GRIP1: variants seen among roughly 807,000 people sequenced by gnomAD.
GRIP1 encodes glutamate receptor interacting protein 1, also known as glutamate receptor-interacting protein 1.
Under a neutral mutation model 129.9 loss-of-function variants are expected in GRIP1, and 45 were observed. The observed-to-expected ratio is 0.35, with a 90% CI of 0.27 to 0.44. The LOEUF (loss-of-function observed/expected upper bound fraction) is 0.44. Ranked by LOEUF, GRIP1 falls within the 20% of genes least tolerant of loss-of-function variation. GRIP1 has a pLI of 1.00. For missense variants in GRIP1, 1,196 were observed against 1,396.8 expected (o/e 0.86, Z 2.29); for synonymous variants, 530 against 520.8 (o/e 1.02, Z -0.24).
intron 1 of GRIP1, among the ~76,000 whole-genome samples, chr12:67,055,348 G>T (rs1382478076): frequency 1.3e-5 from 2 of 149,570 alleles, no homozygotes; most frequent in Non-Finnish European, 2.9e-5. Context: ...TTAACCTTGG[G>T]TAAGAGTACA....
intron 1 of GRIP1, among the ~76,000 whole-genome samples, chr12:66,601,328 C>T (rs2064266407): frequency 6.6e-6 from 1 of 152,162 alleles, no homozygotes; most frequent in African/African-American, 2.4e-5. Context: ...TATGCTGGAG[C>T]TGGGAGAATC....
At chr12:67,038,166 G>A (rs999791849) in intron 1 of GRIP1, among the ~76,000 whole-genome samples, 1 of 152,142 alleles carries the variant, frequency 6.6e-6, no homozygotes, top group African/African-American at 2.4e-5. Context: ...AAAAGCGGGG[G>A]ACTTCCAAGG....
At chr12:66,539,261 T>C in intron 3 of GRIP1, 38 bp from the exon 4 acceptor site, 1 of 1,613,162 alleles carries the variant, frequency 6.2e-7, no homozygotes, top group Non-Finnish European at 8.5e-7. Flanking sequence ...AGACCCACCC[T>C]CTCCATAGGC....
At chr12:66,628,499 T>A (rs988723463) in intron 1 of GRIP1, among the ~76,000 whole-genome samples, 1 of 152,202 alleles carries the variant, frequency 6.6e-6, no homozygotes, top group South Asian at 2.1e-4. Flanking sequence ...CCTCCAGCCC[T>A]TTTAGTCCTG....
chr12:66,827,387 T>TGTGAGAGAGAGAGA (rs755458052), intron 1 of GRIP1, among the ~76,000 whole-genome samples: 3 of 108,224 alleles, frequency 2.8e-5, no homozygotes, highest in Non-Finnish European at 5.6e-5. Context: ...TGTGTGTGTG[T>TGTGAGAGAGAGAGA]GAGAGAGAGA....
rs1227680573 is a variant in GRIP1, at chr12:66,377,006, A to C, written c.2778+11T>G. 4 of 1,598,170 alleles carry C rather than the reference A, an allele frequency of 2.5e-6. No homozygotes were observed. The highest frequency in any genetic ancestry group is 3.4e-6 in the Non-Finnish European group (4 of 1,165,398). On this transcript the variant is annotated intron_variant, in intron 22 of 24. Transcript: ENST00000359742. ...TTCACAAGCAAAAATATAAACATAA[A>C]GGGTAGCTACCAAGAGAGTCATGTT... is the stretch of plus-strand genomic sequence containing the variant.
chr12:66,628,127 A>G (rs1383815765), intron 1 of GRIP1, among the ~76,000 whole-genome samples: 1 of 152,164 alleles, frequency 6.6e-6, no homozygotes, highest in Non-Finnish European at 1.5e-5. Context: ...GCCACCTGGC[A>G]CCTGCCCATC....
intron 2 of GRIP1, among the ~76,000 whole-genome samples, chr12:66,543,442 T>G (rs760408364): frequency 6.6e-6 from 1 of 152,222 alleles, no homozygotes; most frequent in Non-Finnish European, 1.5e-5. Context: ...AGAATGAAAA[T>G]TCTTGTCAAG....
At chr12:66,456,947 G>A (rs369345053) in intron 9 of GRIP1, among the ~76,000 whole-genome samples, 1 of 152,082 alleles carries the variant, frequency 6.6e-6, no homozygotes. Context: ...CGACTAATAA[G>A]GAGAAGATAA....
chr12:66,962,464 T>C (rs939101783), intron 1 of GRIP1, among the ~76,000 whole-genome samples: 1 of 152,106 alleles, frequency 6.6e-6, no homozygotes, highest in African/African-American at 2.4e-5. Context: ...CCTGTCTTAT[T>C]GCTAAACAGT....
chr12:66,717,381 T>C lies in GRIP1; in HGVS notation c.-420+86672A>G, dbSNP rs1225258799. ...ATAATGGGCTTGAATTTTTGCTCACTGTAAAAAAAAAAAAAGTCACCACAT... is the reference window on the plus strand; with the variant it reads ...ATAATGGGCTTGAATTTTTGCTCACCGTAAAAAAAAAAAAAGTCACCACAT... On this transcript the variant is annotated intron_variant, in intron 1 of 4. Transcript: ENST00000538373. Among the ~76,000 whole-genome samples the C allele has an allele frequency of 2.7e-5, 3 of 110,180 alleles. No homozygotes were observed. In the Admixed American group the frequency reaches 3.1e-4, roughly 11 times the overall value. The allele number at this position is 110,180 out of a possible 152,430, so 72.3% of individuals were successfully genotyped here.
intron 1 of GRIP1, chr12:66,803,942 C>CAG: frequency 2.8e-6 from 1 of 359,324 alleles, no homozygotes; most frequent in Non-Finnish European, 5.6e-6. Context: ...AGACTGCTCA[C>CAG]AGAGAACACC....
chr12:67,012,612 T>C (rs567576488), intron 1 of GRIP1, among the ~76,000 whole-genome samples: 2 of 152,292 alleles, frequency 1.3e-5, no homozygotes, highest in Non-Finnish European at 2.9e-5. Flanking sequence ...CCTTCAAGTT[T>C]AAATGGCATT....
At chr12:67,048,163 A>C (rs1203500319) in intron 1 of GRIP1, among the ~76,000 whole-genome samples, 1 of 151,910 alleles carries the variant, frequency 6.6e-6, no homozygotes, top group Non-Finnish European at 1.5e-5. Context: ...AAAAAAAAAA[A>C]GGTATTCCTG....
chr12:66,983,839 T>C (rs1474365939), intron 1 of GRIP1, among the ~76,000 whole-genome samples: 2 of 152,014 alleles, frequency 1.3e-5, no homozygotes, highest in African/African-American at 2.4e-5. Flanking sequence ...TACTTAATAG[T>C]GTTGCCCAGG....
intron 1 of GRIP1, among the ~76,000 whole-genome samples, chr12:66,785,317 T>C (rs547941464): frequency 0.023 from 1,091 of 47,882 alleles, 63 homozygotes; most frequent in Admixed American, 0.2. Context: ...CATACATACA[T>C]ACATACATAC....
In GRIP1 at chr12:66,869,824, A is replaced by G. The variant is rs115330880; in HGVS notation, c.58+199226T>C. On this transcript the variant is annotated intron_variant, in intron 1 of 1. Transcript: ENST00000643019. ...AAGTATCATGAGGCAGCATTTGGAAAAACAAAAGGTATAATTTTCCCTTTG... is the reference window on the plus strand; with the variant it reads ...AAGTATCATGAGGCAGCATTTGGAAGAACAAAAGGTATAATTTTCCCTTTG... Among the ~76,000 whole-genome samples the G allele has an allele frequency of 4.7e-3, 711 of 152,276 alleles. 8 individuals carry two copies. Among genetic ancestry groups the G allele is most frequent in the African/African-American group, 0.016 (665 of 41,560 alleles).
At chr12:66,859,277 A>G (rs1219632883) in intron 1 of GRIP1, among the ~76,000 whole-genome samples, 2 of 6,768 alleles carry the variant, frequency 3.0e-4, no homozygotes, top group Non-Finnish European at 7.4e-3. Flanking sequence ...ACAAAAAAAC[A>G]AAAAAACAAA....
chr12:66,826,713 T>C (rs1483083001), intron 1 of GRIP1, among the ~76,000 whole-genome samples: 2 of 141,562 alleles, frequency 1.4e-5, no homozygotes, highest in African/African-American at 6.4e-5. Flanking sequence ...TTCTAGTCAA[T>C]GAAAAAATGA....
Sources: gnomAD v4.1 joint callset for allele counts (sites outside exome capture counted in the v4.1 genomes callset) on GRCh38, gnomAD v4.1.1 for gene constraint, MANE v1.5 for transcripts, NCBI Gene and HGNC (gene_info 2026-07-23, HGNC 2026-07-21) for gene names.